The following DLGAP4 variants were observed in gnomAD, a reference collection of about 807,000 sequenced individuals.
DLGAP4 encodes the protein disks large-associated protein 4.
DLGAP4 carries 18 observed loss-of-function variants against 86.9 expected under a neutral mutation model. The ratio of observed to expected loss-of-function variants is 0.21; its 90% CI spans 0.14 to 0.31. DLGAP4 has a LOEUF of 0.31. Ranked by LOEUF, DLGAP4 falls within the 10% of genes least tolerant of loss-of-function variation. The pLI is 1.00. For synonymous variants in DLGAP4, 548 were observed against 574.3 expected, an observed-to-expected ratio of 0.95 and a Z score of 0.65; for missense variants, 1,085 against 1,362.6, an observed-to-expected ratio of 0.80 and a Z score of 3.21.
chr20:36,326,996 C>CTTTTTTTT (rs377378667), intron 1 of DLGAP4, among the ~76,000 whole-genome samples: 7 of 99,476 alleles, frequency 7.0e-5, no homozygotes, highest in Non-Finnish European at 9.7e-5. Context: ...AAGATTTTCT[C>CTTTTTTTT]TTTTTTTTTT....
chr20:36,435,220 C>T (rs555772703), intron 3 of DLGAP4, among the ~76,000 whole-genome samples: 1 of 152,236 alleles, frequency 6.6e-6, no homozygotes, highest in Middle Eastern at 3.4e-3. Context: ...GAGGCATGTT[C>T]ACTCTGTGCA....
At chr20:36,482,178 C>T (rs1412163916) in intron 7 of DLGAP4, among the ~76,000 whole-genome samples, 2 of 152,176 alleles carry the variant, frequency 1.3e-5, no homozygotes, top group Non-Finnish European at 2.9e-5. Flanking sequence ...TGCCACCTGC[C>T]ACTCCAGGCC....
intron 7 of DLGAP4, among the ~76,000 whole-genome samples, chr20:36,457,801 A>C (rs1417247103): frequency 6.7e-6 from 1 of 149,972 alleles, no homozygotes; most frequent in Non-Finnish European, 1.5e-5. Context: ...AGGCACACCC[A>C]GCTAATTTTT....
At chr20:36,468,716 A>G (rs1275404) in intron 7 of DLGAP4, among the ~76,000 whole-genome samples, 134,991 of 152,340 alleles carry the variant, frequency 0.89, 60,024 homozygotes, top group African/African-American at 0.95. Flanking sequence ...TGCAGGGTAC[A>G]ATTGTAACTG....
At chr20:36,505,320 AT>A (rs1487962958) in intron 10 of DLGAP4, among the ~76,000 whole-genome samples, 2 of 152,080 alleles carry the variant, frequency 1.3e-5, no homozygotes, top group Non-Finnish European at 2.9e-5. Context: ...GATGAAGTCC[AT>A]TTTTTCCTTT....
At chr20:36,526,382 T>C (rs889122394) in intron 12 of DLGAP4, among the ~76,000 whole-genome samples, 1 of 152,130 alleles carries the variant, frequency 6.6e-6, no homozygotes, top group Non-Finnish European at 1.5e-5. Flanking sequence ...AGCCAGCCTC[T>C]TCCCTGAGGC....
chr20:36,505,506 G>A (rs1281113211), intron 10 of DLGAP4, among the ~76,000 whole-genome samples: 1 of 152,090 alleles, frequency 6.6e-6, no homozygotes, highest in Non-Finnish European at 1.5e-5. Flanking sequence ...TGGGTGTGGT[G>A]GCTCATGCCT....
At chr20:36,344,871 A>G (rs974712475) in intron 1 of DLGAP4, among the ~76,000 whole-genome samples, 8 of 152,174 alleles carry the variant, frequency 5.3e-5, no homozygotes, top group South Asian at 4.1e-4. Flanking sequence ...TTCCCTAGGC[A>G]CATCGAGTCC....
intron 2 of DLGAP4, among the ~76,000 whole-genome samples, chr20:36,381,586 C>G (rs886540862): frequency 5.3e-5 from 8 of 152,172 alleles, no homozygotes. Flanking sequence ...TAGCAGTGAA[C>G]AAGAATGTTG....
chr20:36,400,135 G>C (rs1238449187), intron 2 of DLGAP4, among the ~76,000 whole-genome samples: 1 of 152,210 alleles, frequency 6.6e-6, no homozygotes, highest in East Asian at 1.9e-4. Flanking sequence ...ATACAAGCTT[G>C]AAGTACCTTT....
intron 7 of DLGAP4, among the ~76,000 whole-genome samples, chr20:36,449,658 T>G (rs991172807): frequency 6.6e-6 from 1 of 152,174 alleles, no homozygotes; most frequent in African/African-American, 2.4e-5. Flanking sequence ...TCTCTAAGCA[T>G]GAAGTGGGCC....
At chr20:36,400,929 G>T (rs1358199476) in intron 2 of DLGAP4, among the ~76,000 whole-genome samples, 2 of 152,150 alleles carry the variant, frequency 1.3e-5, no homozygotes, top group African/African-American at 4.8e-5. Context: ...GGAATCAGAG[G>T]TGAGGGGCAA....
chr20:36,400,772 G>T (rs1180219041), intron 2 of DLGAP4, among the ~76,000 whole-genome samples: 1 of 151,822 alleles, frequency 6.6e-6, no homozygotes, highest in Non-Finnish European at 1.5e-5. Flanking sequence ...GGAATCTGGG[G>T]GCAGAAGACC....
rs190084465 is a variant in DLGAP4 at position 36,356,607 on chromosome 20, G to A, written c.-303-10438G>A. On this transcript the variant is annotated intron_variant, in intron 1 of 12. Transcript: ENST00000339266. ...ATTACAGGGGTGAGCCACCGCGCCT[G>A]GCCCGTTGTTGTTTTTGTTTGTATC... Among the ~76,000 whole-genome samples the A allele has an allele frequency of 3.7e-3, 563 of 151,790 alleles. 5 individuals carry two copies. The highest frequency in any genetic ancestry group is 0.013 in the African/African-American group (546 of 41,364).
chr20:36,508,882 G>A (rs577235527), intron 10 of DLGAP4: 1 of 152,318 alleles, frequency 6.6e-6, no homozygotes, highest in South Asian at 2.1e-4. Flanking sequence ...CTCCAAAGAG[G>A]TTATATCAGT....
chr20:36,396,051 C>T (rs1004848252), intron 2 of DLGAP4, among the ~76,000 whole-genome samples: 4 of 152,078 alleles, frequency 2.6e-5, no homozygotes, highest in African/African-American at 9.7e-5. Flanking sequence ...CCTGCACACA[C>T]AGCAATCTTG....
chr20:36,434,089 G>A (rs964134731), intron 3 of DLGAP4, among the ~76,000 whole-genome samples: 7 of 151,758 alleles, frequency 4.6e-5, no homozygotes, highest in African/African-American at 1.7e-4. Context: ...GATTATAGGT[G>A]CGAGCCACCA....
At position 36,331,093 on chromosome 20, in the gene DLGAP4, G is replaced by C. The variant is rs150493314; in HGVS notation, c.-304+24581G>C. Among the ~76,000 whole-genome samples the C allele has an allele frequency of 2.1e-3, 325 of 152,306 alleles. 6 individuals are homozygous for C. Among genetic ancestry groups the C allele is most frequent in the South Asian group, 0.018 (87 of 4,822 alleles). On this transcript the variant is annotated intron_variant, in intron 1 of 12. Coordinates refer to ENST00000339266, the MANE Select transcript of DLGAP4 (RefSeq NM_001365621.2). ...CAGCTCATCCCCCCTGGGGGCCTGTGGGGGGAGGCCACCCCATTTCCCTGG... is the reference window on the plus strand; with the variant it reads ...CAGCTCATCCCCCCTGGGGGCCTGTCGGGGGAGGCCACCCCATTTCCCTGG...
chr20:36,437,187 A>G (rs916319970), intron 4 of DLGAP4, among the ~76,000 whole-genome samples: 11 of 152,182 alleles, frequency 7.2e-5, no homozygotes, highest in African/African-American at 2.4e-4. Context: ...TTGGCCCTGC[A>G]CTCTGATGAA....
Sources: allele counts gnomAD v4.1 joint callset (sites outside exome capture counted in the v4.1 genomes callset), GRCh38; gene constraint gnomAD v4.1.1; transcripts MANE v1.5; gene names NCBI Gene and HGNC (gene_info 2026-07-23, HGNC 2026-07-21).